GABRB1: variants seen among roughly 807,000 people sequenced by gnomAD.
The protein encoded by GABRB1 is gamma-aminobutyric acid receptor subunit beta-1.
A neutral mutation model predicts 51.6 loss-of-function variants in GABRB1; 17 were observed. The ratio of observed to expected loss-of-function variants is 0.33; its 90% CI spans 0.23 to 0.49. The LOEUF is 0.49. Ranked by LOEUF, GABRB1 falls within the 20% of genes least tolerant of loss-of-function variation. The pLI, the probability that GABRB1 is intolerant of heterozygous loss-of-function variation, is 0.99. For missense variants in GABRB1, 410 were observed against 600.6 expected, an observed-to-expected ratio of 0.68 and a Z score of 3.32; for synonymous variants, 247 against 218.9, an observed-to-expected ratio of 1.13 and a Z score of -1.14.
At chr4:47,370,986 C>T (rs959454015) in intron 5 of GABRB1, among the ~76,000 whole-genome samples, 3 of 150,910 alleles carry the variant, frequency 2.0e-5, no homozygotes, top group African/African-American at 7.4e-5. Flanking sequence ...AGGTTTGTTA[C>T]ATAGGTAAAT....
At chr4:47,087,120 T>C (rs1489210320) in intron 3 of GABRB1, among the ~76,000 whole-genome samples, 1 of 152,158 alleles carries the variant, frequency 6.6e-6, no homozygotes, top group Non-Finnish European at 1.5e-5. Context: ...ATAATTCTCC[T>C]CAGAGAGTTT....
chr4:47,123,207 C>A (rs1715859462), intron 3 of GABRB1, among the ~76,000 whole-genome samples: 1 of 148,722 alleles, frequency 6.7e-6, no homozygotes, highest in Non-Finnish European at 1.5e-5. Flanking sequence ...ACAAAAGGTA[C>A]TATTCTGGGC....
At chr4:47,098,234 A>T in intron 3 of GABRB1, among the ~76,000 whole-genome samples, 1 of 151,278 alleles carries the variant, frequency 6.6e-6, no homozygotes, top group Non-Finnish European at 1.5e-5. Context: ...CTTTATTTTC[A>T]TTTCAACTTC....
intron 4 of GABRB1, among the ~76,000 whole-genome samples, chr4:47,163,987 G>A (rs1456776908): frequency 6.6e-6 from 1 of 152,008 alleles, no homozygotes; most frequent in Non-Finnish European, 1.5e-5. Flanking sequence ...AACAATCATA[G>A]CAGAAGAGGA....
chr4:47,328,660 C>T (rs989823139), intron 5 of GABRB1, among the ~76,000 whole-genome samples: 13 of 151,990 alleles, frequency 8.6e-5, no homozygotes, highest in Non-Finnish European at 2.9e-5. Context: ...AGCAAACTAT[C>T]ACAAGGACGA....
intron 4 of GABRB1, among the ~76,000 whole-genome samples, chr4:47,241,742 T>C (rs1247965880): frequency 2.6e-5 from 4 of 152,216 alleles, no homozygotes; most frequent in Non-Finnish European, 4.4e-5. Context: ...TGTTAATGTT[T>C]AACAAAGGTC....
chr4:47,406,544 TGCCCAA>T, intron 7 of GABRB1, 132 bp from the exon 8 acceptor site: 2 of 976,528 alleles, frequency 2.0e-6, no homozygotes, highest in Non-Finnish European at 3.1e-6. Flanking sequence ...CTGCCCTTTT[TGCCCAA>T]TGGTTTATCA....
chr4:47,004,263 A>G (rs2109431840), intron 1 of GABRB1, among the ~76,000 whole-genome samples: 1 of 152,306 alleles, frequency 6.6e-6, no homozygotes, highest in African/African-American at 2.4e-5. Context: ...CTGAGATTAC[A>G]GGTGTGAGCC....
At chr4:47,075,019 AT>A (rs1452924255) in intron 3 of GABRB1, among the ~76,000 whole-genome samples, 1 of 152,172 alleles carries the variant, frequency 6.6e-6, no homozygotes, top group Admixed American at 6.5e-5. Flanking sequence ...TTCTTCCAAA[AT>A]TAAAAATGGC....
At chr4:47,167,644 A>C (rs1375648336) in intron 4 of GABRB1, among the ~76,000 whole-genome samples, 2 of 152,166 alleles carry the variant, frequency 1.3e-5, no homozygotes, top group African/African-American at 4.8e-5. Flanking sequence ...CCATTGTGAC[A>C]GTTTGGAGAG....
chr4:47,364,450 A>C (rs1265014299), intron 5 of GABRB1, among the ~76,000 whole-genome samples: 1 of 152,134 alleles, frequency 6.6e-6, no homozygotes, highest in East Asian at 1.9e-4. Flanking sequence ...AAGCTATTAA[A>C]ATGATAAAGA....
At chr4:47,183,725 C>A (rs1435766854) in intron 4 of GABRB1, among the ~76,000 whole-genome samples, 2 of 151,820 alleles carry the variant, frequency 1.3e-5, no homozygotes, top group Admixed American at 6.6e-5. Flanking sequence ...TGCCTTACAT[C>A]CACATGAACT....
At chr4:47,346,134 A>G (rs1269972103) in intron 5 of GABRB1, among the ~76,000 whole-genome samples, 1 of 152,196 alleles carries the variant, frequency 6.6e-6, no homozygotes, top group Non-Finnish European at 1.5e-5. Flanking sequence ...CAGAAAGCCA[A>G]GCTGTTGGAG....
In GABRB1 at chr4:47,150,963, G is replaced by A. The variant is rs138377350; in HGVS notation, c.241-10286G>A. Among the ~76,000 whole-genome samples the A allele has an allele frequency of 9.2e-5, 14 of 151,986 alleles. No homozygotes were observed. In the East Asian group the frequency reaches 2.1e-3, roughly 23 times the overall value. On this transcript the variant is annotated intron_variant, in intron 3 of 8. Coordinates refer to ENST00000295454, the MANE Select transcript of GABRB1 (RefSeq NM_000812.4). ...AGGTGGTATACAGAAGACAGAGAAG[G>A]TGGCAAGAGAGATAATGTGGTAAAG...
intron 5 of GABRB1, among the ~76,000 whole-genome samples, chr4:47,373,962 G>A (rs1286666847): frequency 3.9e-5 from 6 of 152,144 alleles, no homozygotes; most frequent in Admixed American, 1.3e-4. Context: ...GTATTGGGAT[G>A]GTTGAACAAC....
intron 4 of GABRB1, among the ~76,000 whole-genome samples, chr4:47,193,035 T>C (rs1207882378): frequency 6.6e-6 from 1 of 152,218 alleles, no homozygotes; most frequent in African/African-American, 2.4e-5. Context: ...TAACCATGTA[T>C]TGAGGAAGCT....
chr4:47,412,569 T>C (rs1447929820), intron 8 of GABRB1, among the ~76,000 whole-genome samples: 1 of 152,188 alleles, frequency 6.6e-6, no homozygotes, highest in Non-Finnish European at 1.5e-5. Flanking sequence ...TAAAGGAGCA[T>C]TATGGCTAAG....
chr4:47,361,266 A>C (rs1452545125), intron 5 of GABRB1, among the ~76,000 whole-genome samples: 2 of 152,176 alleles, frequency 1.3e-5, no homozygotes, highest in Admixed American at 6.5e-5. Flanking sequence ...CTGGGGACTT[A>C]AGGAAAGCGT....
At chr4:47,032,281 TC>T in intron 2 of GABRB1, 135 bp from the exon 3 acceptor site, 1 of 847,586 alleles carries the variant, frequency 1.2e-6, no homozygotes. Context: ...TCCCAGGCAG[TC>T]CCCTGAAAGG....
Sources: gnomAD v4.1 joint callset for allele counts (sites outside exome capture counted in the v4.1 genomes callset) on GRCh38, gnomAD v4.1.1 for gene constraint, MANE v1.5 for transcripts, NCBI Gene and HGNC (gene_info 2026-07-23, HGNC 2026-07-21) for gene names.